PAK5: variants seen among roughly 807,000 people sequenced by gnomAD.
PAK5 encodes the protein serine/threonine-protein kinase PAK 5.
Under a neutral mutation model 65.9 loss-of-function variants are expected in PAK5, and 16 were observed. The observed-to-expected ratio is 0.24, with a 90% confidence interval of 0.16 to 0.37. The LOEUF is 0.37. PAK5 is among the 10% of genes least tolerant of loss of function. The pLI is 1.00. For synonymous variants in PAK5, 371 were observed against 354.9 expected (o/e 1.05, Z -0.51); for missense variants, 785 against 903.9 (o/e 0.87, Z 1.69).
chr20:9,696,974 T>A (rs959042346), intron 2 of PAK5, among the ~76,000 whole-genome samples: 1 of 152,084 alleles, frequency 6.6e-6, no homozygotes, highest in African/African-American at 2.4e-5. Flanking sequence ...GATAGATGGA[T>A]GCTTGATAAA....
chr20:9,571,387 C>T (rs2045777978), intron 4 of PAK5, among the ~76,000 whole-genome samples: 1 of 152,194 alleles, frequency 6.6e-6, no homozygotes, highest in Admixed American at 6.5e-5. Context: ...CAACTGAATC[C>T]CATTTTGTGG....
Position 9,580,200 on chromosome 20 carries a change from G to T in PAK5, c.935C>A (p.Ser312Tyr). Residue 312 changes from serine to tyrosine, a missense_variant, in exon 4 of 10, where the codon TCC becomes TAC. This residue lies in a region of PAK5 where 422 missense variants were observed against 413.3 expected (regional missense o/e 1.02). Transcript: ENST00000353224. ...GCGAGGGTAGGTGTAGGAGTTGTAG[G>T]AGTGTCCTTGGGGATGGGTTTTAAA... ...SAFKTHPQGH[S>Y]YNSYTYPRLS... The T allele has an allele frequency of 6.2e-7, 1 of 1,614,184 alleles. No individual in the cohort carries two copies. Among genetic ancestry groups the T allele is most frequent in the Non-Finnish European group, 8.5e-7 (1 of 1,180,002 alleles).
intron 1 of PAK5, among the ~76,000 whole-genome samples, chr20:9,772,658 T>C (rs1313050825): frequency 6.6e-6 from 1 of 152,262 alleles, no homozygotes; most frequent in Admixed American, 6.5e-5. Flanking sequence ...TGATTGCTTT[T>C]CATGCATTAC....
intron 8 of PAK5, among the ~76,000 whole-genome samples, chr20:9,543,458 T>C (rs139981171): frequency 6.6e-6 from 1 of 152,158 alleles, no homozygotes. Flanking sequence ...ATTGCTATTA[T>C]TACCCCTTGC....
intron 1 of PAK5, among the ~76,000 whole-genome samples, chr20:9,772,496 C>T (rs2048845094): frequency 6.6e-6 from 1 of 152,136 alleles, no homozygotes; most frequent in African/African-American, 2.4e-5. Context: ...AGCCAGGAAG[C>T]TCATGTCACC....
chr20:9,550,609 T>C, intron 7 of PAK5, among the ~76,000 whole-genome samples: 1 of 152,170 alleles, frequency 6.6e-6, no homozygotes, highest in East Asian at 1.9e-4. Context: ...AATGTTCAAA[T>C]CATTCAAGCC....
At chr20:9,748,720 C>T (rs1458031859) in intron 1 of PAK5, among the ~76,000 whole-genome samples, 1 of 152,076 alleles carries the variant, frequency 6.6e-6, no homozygotes, top group Non-Finnish European at 1.5e-5. Flanking sequence ...TAAAGCTGTG[C>T]CATCCAATAG....
intron 1 of PAK5, among the ~76,000 whole-genome samples, chr20:9,732,682 A>G (rs1196640634): frequency 1.3e-5 from 2 of 152,124 alleles, no homozygotes; most frequent in Non-Finnish European, 2.9e-5. Flanking sequence ...CCCAAGGGCT[A>G]TAGGGAGTTC....
chr20:9,820,572 G>A (rs2049407549), intron 1 of PAK5, among the ~76,000 whole-genome samples: 1 of 152,198 alleles, frequency 6.6e-6, no homozygotes, highest in Admixed American at 6.5e-5. Flanking sequence ...TTGAGCAACT[G>A]TACGTGGAAG....
In PAK5 at chr20:9,557,586, G is replaced by A. The variant is rs200363617; in HGVS notation, c.1743+22C>T. The A allele has an allele frequency of 6.1e-5, 97 of 1,587,438 alleles. No homozygotes were observed. The Middle Eastern group carries it at 6.7e-4, about 11-fold the overall frequency. On this transcript the variant is annotated intron_variant, in intron 7 of 9. Coordinates refer to ENST00000353224, the MANE Select transcript of PAK5 (RefSeq NM_177990.4). ...CAGAGTGACAAGAAAAACTACGAACGGGCCAAACATGAACATCTTACCCGG... is the reference window on the plus strand; with the variant it reads ...CAGAGTGACAAGAAAAACTACGAACAGGCCAAACATGAACATCTTACCCGG...
intron 3 of PAK5, among the ~76,000 whole-genome samples, chr20:9,596,402 C>T (rs1033343137): frequency 9.2e-5 from 14 of 151,980 alleles, no homozygotes; most frequent in East Asian, 1.9e-4. Context: ...TTTGGGAGGC[C>T]GAGGCGGGCG....
chr20:9,559,116 G>C (rs2045555929), intron 6 of PAK5, among the ~76,000 whole-genome samples: 2 of 152,130 alleles, frequency 1.3e-5, no homozygotes, highest in Admixed American at 1.3e-4. Flanking sequence ...GGATGGCACA[G>C]GTTGTTCAGT....
intron 1 of PAK5, among the ~76,000 whole-genome samples, chr20:9,809,281 T>C (rs530763222): frequency 4.7e-4 from 71 of 150,966 alleles, no homozygotes; most frequent in Middle Eastern, 6.9e-3. Flanking sequence ...CCCTGCAAAA[T>C]GAACAATTCA....
chr20:9,808,121 A>G (rs755621575), intron 1 of PAK5, among the ~76,000 whole-genome samples: 1 of 152,194 alleles, frequency 6.6e-6, no homozygotes, highest in Non-Finnish European at 1.5e-5. Context: ...AACTGAATGT[A>G]TTAGCACTTT....
At chr20:9,807,762 A>AAATAAATAATAATAATAATAAT (rs1555929891) in intron 1 of PAK5, among the ~76,000 whole-genome samples, 2 of 142,326 alleles carry the variant, frequency 1.4e-5, no homozygotes, top group African/African-American at 5.2e-5. Flanking sequence ...AGCAAAAAAT[A>AAATAAATAATAATAATAATAAT]AATAATAATA....
At chr20:9,698,446 C>A (rs753355224) in intron 2 of PAK5, among the ~76,000 whole-genome samples, 1 of 152,128 alleles carries the variant, frequency 6.6e-6, no homozygotes, top group Non-Finnish European at 1.5e-5. Flanking sequence ...TAACTTCTTT[C>A]CCATAACTAA....
chr20:9,686,036 C>T (rs1180501856), intron 2 of PAK5, among the ~76,000 whole-genome samples: 2 of 152,166 alleles, frequency 1.3e-5, no homozygotes, highest in Non-Finnish European at 2.9e-5. Context: ...AAATAATTTT[C>T]TTAATGGGTC....
At chr20:9,644,564 C>T (rs2047109028) in intron 2 of PAK5, among the ~76,000 whole-genome samples, 1 of 152,052 alleles carries the variant, frequency 6.6e-6, no homozygotes, top group Admixed American at 6.5e-5. Flanking sequence ...AGTTCCCTGC[C>T]CCATTGACTT....
chr20:9,750,396 G>A (rs541553361), intron 1 of PAK5, among the ~76,000 whole-genome samples: 6 of 152,044 alleles, frequency 3.9e-5, no homozygotes, highest in Admixed American at 3.3e-4. Context: ...AAGAAGAATT[G>A]GAAAGCCAAT....
Sources: allele counts gnomAD v4.1 joint callset (sites outside exome capture counted in the v4.1 genomes callset), GRCh38; gene constraint gnomAD v4.1.1; regional missense constraint gnomAD v4.1.1; transcripts MANE v1.5; gene names NCBI Gene and HGNC (gene_info 2026-07-23, HGNC 2026-07-21).